The following MYO6 variants were observed in gnomAD, a reference collection of about 807,000 sequenced individuals.
MYO6 encodes the protein unconventional myosin-VI.
A neutral mutation model predicts 178.7 loss-of-function variants in MYO6; 74 were observed. The observed-to-expected ratio is 0.41, with a 90% CI of 0.34 to 0.50. The LOEUF (loss-of-function observed/expected upper bound fraction) is 0.50. MYO6 is among the 20% of genes least tolerant of loss of function. MYO6 has a pLI of 0.09. For missense variants in MYO6, 1,330 were observed against 1,547.4 expected (o/e 0.86, Z 2.36); for synonymous variants, 477 against 504.6 (o/e 0.95, Z 0.73).
chr6:75,821,022 T>G (rs1020778127), intron 2 of MYO6, among the ~76,000 whole-genome samples: 3 of 152,188 alleles, frequency 2.0e-5, no homozygotes, highest in Admixed American at 1.3e-4. Flanking sequence ...GAAAAAAGCC[T>G]CCTTCTTCTA....
Position 75,855,258 on chromosome 6 carries a change from G to C in MYO6, c.1198G>C (p.Gly400Arg), listed in dbSNP as rs1284953388. 6.2e-7 allele frequency: 1 copy of C among 1,613,616 alleles called. No individual in the cohort carries two copies. The highest frequency in any genetic ancestry group is 1.1e-5 in the South Asian group (1 of 91,060). ...LTTRVMLTTAGGTKGTVIKVP... is the reference protein window; with the variant it reads ...LTTRVMLTTARGTKGTVIKVP... ...CACAAGAGTCATGCTAACAACAGCAGGGGGCACCAAAGGAACAGTTATAAA... is the reference window on the plus strand; with the variant it reads ...CACAAGAGTCATGCTAACAACAGCACGGGGCACCAAAGGAACAGTTATAAA... The change falls in exon 12 of 35, where the codon GGG (glycine) becomes CGG (arginine). Residue 400 changes from glycine to arginine, a missense_variant. Coordinates refer to ENST00000369977, the MANE Select transcript of MYO6 (RefSeq NM_004999.4).
intron 11 of MYO6, among the ~76,000 whole-genome samples, chr6:75,851,839 A>G (rs746379527): frequency 6.6e-6 from 1 of 152,022 alleles, no homozygotes; most frequent in Non-Finnish European, 1.5e-5. Flanking sequence ...CCTGTCTCCA[A>G]AAAAATTTGG....
chr6:75,862,787 A>T, intron 16 of MYO6, 64 bp downstream of exon 16: 1 of 1,560,958 alleles, frequency 6.4e-7, no homozygotes, highest in East Asian at 2.2e-5. Flanking sequence ...AAGGTGCATT[A>T]GCTATTAGAT....
intron 20 of MYO6, among the ~76,000 whole-genome samples, chr6:75,874,323 G>A (rs1409189583): frequency 1.3e-5 from 2 of 152,176 alleles, no homozygotes; most frequent in African/African-American, 4.8e-5. Flanking sequence ...GACAAGACAG[G>A]ATGGCACCAG....
intron 1 of MYO6, among the ~76,000 whole-genome samples, chr6:75,805,398 C>G (rs902853157): frequency 6.6e-6 from 1 of 152,082 alleles, no homozygotes; most frequent in Non-Finnish European, 1.5e-5. Context: ...TCTGCCTATT[C>G]TGCCTGTAGT....
chr6:75,808,917 G>T (rs1770385683), intron 1 of MYO6, among the ~76,000 whole-genome samples: 1 of 152,146 alleles, frequency 6.6e-6, no homozygotes, highest in African/African-American at 2.4e-5. Context: ...ACAAACTATT[G>T]CATTCTTTTG....
chr6:75,822,854 A>G lies in MYO6; in HGVS notation c.187+3A>G, dbSNP rs1224922621. The G allele has an allele frequency of 7.5e-6, 12 of 1,610,094 alleles. No homozygotes were observed. The highest frequency in any genetic ancestry group is 1.0e-5 in the Non-Finnish European group (12 of 1,176,724). ...TAAAAAAGATGTGGAAGATAACTGT[A>G]AGTACCAAGTTAAAAATTAACTCTC... On this transcript the variant is annotated splice_donor_region_variant and intron_variant, in intron 3 of 34. Transcript: ENST00000369977.
intron 30 of MYO6, among the ~76,000 whole-genome samples, chr6:75,902,892 G>A (rs370704023): frequency 5.3e-5 from 8 of 151,406 alleles, no homozygotes; most frequent in Non-Finnish European, 7.4e-5. Context: ...TACACACTGC[G>A]TTGAATGCGT....
At chr6:75,770,227 T>G (rs1765735369) in intron 1 of MYO6, among the ~76,000 whole-genome samples, 1 of 152,224 alleles carries the variant, frequency 6.6e-6, no homozygotes, top group Non-Finnish European at 1.5e-5. Context: ...GCTGCAGCCC[T>G]GCTTATACAG....
At chr6:75,832,220 A>G (rs1773170277) in intron 5 of MYO6, among the ~76,000 whole-genome samples, 1 of 152,240 alleles carries the variant, frequency 6.6e-6, no homozygotes, top group South Asian at 2.1e-4. Context: ...AGGCAAATCT[A>G]GGAAATTTAA....
intron 1 of MYO6, among the ~76,000 whole-genome samples, chr6:75,804,773 G>A (rs1769835040): frequency 6.6e-6 from 1 of 151,124 alleles, no homozygotes; most frequent in African/African-American, 2.4e-5. Context: ...TCTCCTTTTT[G>A]GTGTCTTATT....
intron 30 of MYO6, among the ~76,000 whole-genome samples, chr6:75,906,670 C>T (rs1055892476): frequency 3.3e-5 from 5 of 151,820 alleles, no homozygotes; most frequent in African/African-American, 1.2e-4. Context: ...AGCCAGACCC[C>T]TTCTCAAAAA....
At chr6:75,856,608 A>G (rs949166522) in intron 12 of MYO6, among the ~76,000 whole-genome samples, 1 of 151,878 alleles carries the variant, frequency 6.6e-6, no homozygotes, top group Admixed American at 6.6e-5. Flanking sequence ...TCTTGAGGAC[A>G]ATGGCTCTGT....
chr6:75,811,641 T>TC (rs1770709037), intron 1 of MYO6, among the ~76,000 whole-genome samples: 1 of 152,352 alleles, frequency 6.6e-6, no homozygotes, highest in South Asian at 2.1e-4. Context: ...TTCTTTTTTT[T>TC]CACTGTCACA....
chr6:75,878,714 T>G (rs1226999270), intron 20 of MYO6, among the ~76,000 whole-genome samples: 4 of 152,192 alleles, frequency 2.6e-5, no homozygotes, highest in Non-Finnish European at 5.9e-5. Flanking sequence ...AAGGATCTAG[T>G]GTTGTTTTTG....
intron 27 of MYO6, among the ~76,000 whole-genome samples, chr6:75,891,871 G>C (rs557918326): frequency 3.9e-5 from 6 of 152,270 alleles, no homozygotes; most frequent in South Asian, 4.1e-4. Context: ...GGTCACAGTT[G>C]TCTCTCTGTA....
intron 1 of MYO6, among the ~76,000 whole-genome samples, chr6:75,798,484 G>A (rs181410633): frequency 3.4e-4 from 52 of 152,254 alleles, no homozygotes; most frequent in South Asian, 1.5e-3. Flanking sequence ...ATCAATAAAT[G>A]TGATTCACCA....
chr6:75,905,544 C>T (rs1339547457), intron 30 of MYO6, among the ~76,000 whole-genome samples: 2 of 152,270 alleles, frequency 1.3e-5, no homozygotes, highest in Non-Finnish European at 2.9e-5. Flanking sequence ...CCTTGCTCTT[C>T]TGGAGTGAGG....
At chr6:75,848,877 A>C (rs1327428558) in intron 11 of MYO6, among the ~76,000 whole-genome samples, 1 of 152,190 alleles carries the variant, frequency 6.6e-6, no homozygotes, top group Non-Finnish European at 1.5e-5. Flanking sequence ...TCTATCATCT[A>C]TTAAGGCATT....
Sources: allele counts gnomAD v4.1 joint callset (sites outside exome capture counted in the v4.1 genomes callset), GRCh38; gene constraint gnomAD v4.1.1; transcripts MANE v1.5; gene names NCBI Gene and HGNC (gene_info 2026-07-23, HGNC 2026-07-21).